INPP4B: variants seen among roughly 807,000 people sequenced by gnomAD.
INPP4B encodes inositol polyphosphate-4-phosphatase type II B, also known as inositol polyphosphate 4-phosphatase type II.
In INPP4B, 55 loss-of-function variants were observed where a neutral mutation model predicts 122.5. The observed-to-expected ratio is 0.45, with a 90% CI of 0.36 to 0.56. The LOEUF (loss-of-function observed/expected upper bound fraction) is 0.56, where lower values mean the gene tolerates loss of function less well. INPP4B is among the 20% of genes least tolerant of loss of function. The pLI is 0.00. For synonymous variants in INPP4B, 403 were observed against 388.7 expected, an observed-to-expected ratio of 1.04 and a Z score of -0.43; for missense variants, 1,000 against 1,097.7, an observed-to-expected ratio of 0.91 and a Z score of 1.26.
chr4:142,647,931 TTGAC>T (rs1307031445), intron 2 of INPP4B, among the ~76,000 whole-genome samples: 1 of 152,260 alleles, frequency 6.6e-6, no homozygotes, highest in African/African-American at 2.4e-5. Context: ...TATCAGTTGA[TTGAC>T]TGTGTACATG....
chr4:142,153,056 T>G (rs772293666), intron 17 of INPP4B, among the ~76,000 whole-genome samples: 3 of 152,196 alleles, frequency 2.0e-5, no homozygotes, highest in Non-Finnish European at 4.4e-5. Context: ...ATGGCTGCAT[T>G]CAACCTAATA....
chr4:142,108,291 A>G (rs1788182958), intron 22 of INPP4B, 101 bp from the exon 23 acceptor site: 2 of 683,196 alleles, frequency 2.9e-6, no homozygotes, highest in Non-Finnish European at 5.1e-6. Flanking sequence ...ATAATTTCCT[A>G]AGGAAAGAGT....
intron 2 of INPP4B, among the ~76,000 whole-genome samples, chr4:142,562,006 T>C (rs1730583684): frequency 6.6e-6 from 1 of 152,112 alleles, no homozygotes; most frequent in East Asian, 1.9e-4. Flanking sequence ...CTTTTTTCTT[T>C]TGATTAAGAT....
chr4:142,188,518 A>AAAAAATATATATATATATAT (rs1834267141), intron 15 of INPP4B, among the ~76,000 whole-genome samples: 1 of 105,096 alleles, frequency 9.5e-6, no homozygotes, highest in Non-Finnish European at 1.9e-5. Context: ...AAAGAAAAAA[A>AAAAAATATATATATATATAT]ATATATATAG....
At chr4:142,208,593 G>T in intron 13 of INPP4B, 64 bp from the exon 14 acceptor site, 1 of 844,100 alleles carries the variant, frequency 1.2e-6, no homozygotes, top group South Asian at 2.1e-5. Context: ...TGTGTTAAAA[G>T]ATAAATTTGA....
chr4:142,089,354 G>A (rs1285209843), intron 23 of INPP4B, among the ~76,000 whole-genome samples: 3 of 151,800 alleles, frequency 2.0e-5, no homozygotes, highest in Non-Finnish European at 2.9e-5. Flanking sequence ...CTGGAGAGCT[G>A]ATACATAACA....
At chr4:142,579,739 A>C (rs1394187604) in intron 2 of INPP4B, among the ~76,000 whole-genome samples, 3 of 151,646 alleles carry the variant, frequency 2.0e-5, no homozygotes, top group African/African-American at 7.3e-5. Context: ...GACTAGAATT[A>C]AACTCTTAGC....
At chr4:142,703,969 G>A (rs898504195) in intron 2 of INPP4B, among the ~76,000 whole-genome samples, 1 of 152,156 alleles carries the variant, frequency 6.6e-6, no homozygotes, top group Non-Finnish European at 1.5e-5. Flanking sequence ...CTAGCCAGGA[G>A]CAAGGACTGA....
intron 23 of INPP4B, among the ~76,000 whole-genome samples, chr4:142,107,882 A>C (rs752034361): frequency 6.6e-6 from 1 of 152,184 alleles, no homozygotes. Context: ...CAGAATGAAC[A>C]GCAGGACACA....
intron 7 of INPP4B, among the ~76,000 whole-genome samples, chr4:142,379,018 T>A (rs1020756881): frequency 9.9e-5 from 15 of 152,142 alleles, no homozygotes; most frequent in Non-Finnish European, 1.8e-4. Context: ...TATTCTTAAA[T>A]CCTATCCAAT....
At chr4:142,297,593 G>A (rs887730952) in intron 9 of INPP4B, among the ~76,000 whole-genome samples, 22 of 152,072 alleles carry the variant, frequency 1.4e-4, no homozygotes, top group Admixed American at 2.6e-4. Flanking sequence ...ACCTTTTGCC[G>A]TAAGTAACAG....
At chr4:142,602,158 G>T (rs2150302070) in intron 2 of INPP4B, among the ~76,000 whole-genome samples, 1 of 152,030 alleles carries the variant, frequency 6.6e-6, no homozygotes, top group African/African-American at 2.4e-5. Context: ...TCAATGTGCA[G>T]AAATCGCTAG....
chr4:142,629,917 T>C (rs1194023917), intron 2 of INPP4B, among the ~76,000 whole-genome samples: 1 of 152,062 alleles, frequency 6.6e-6, no homozygotes, highest in African/African-American at 2.4e-5. Context: ...AGGTTGGATG[T>C]AGGATTTAAG....
At chr4:142,124,234 C>G (rs1797743098) in intron 19 of INPP4B, among the ~76,000 whole-genome samples, 1 of 152,114 alleles carries the variant, frequency 6.6e-6, no homozygotes, top group African/African-American at 2.4e-5. Context: ...TTGCCAAGTC[C>G]TAGCTTGTCA....
intron 1 of INPP4B, among the ~76,000 whole-genome samples, chr4:142,740,118 C>T (rs1239537010): frequency 6.6e-6 from 1 of 151,984 alleles, no homozygotes; most frequent in East Asian, 1.9e-4. Flanking sequence ...CTCTATTCTT[C>T]TAGGATTCAA....
At chr4:142,246,860 T>C (rs532157193) in intron 11 of INPP4B, among the ~76,000 whole-genome samples, 1 of 152,308 alleles carries the variant, frequency 6.6e-6, no homozygotes, top group African/African-American at 2.4e-5. Context: ...AGAGAGGGCA[T>C]CCTTGACTTG....
chr4:142,777,341 A>G (rs184041539), intron 1 of INPP4B, among the ~76,000 whole-genome samples: 193 of 152,316 alleles, frequency 1.3e-3, no homozygotes, highest in African/African-American at 4.4e-3. Flanking sequence ...CTGGCCTTAA[A>G]GAAGCAATCA....
At chr4:142,233,298 T>C (rs2149883620) in intron 12 of INPP4B, among the ~76,000 whole-genome samples, 1 of 152,238 alleles carries the variant, frequency 6.6e-6, no homozygotes, top group Admixed American at 6.5e-5. Flanking sequence ...TATCTGCTAC[T>C]CATTGGTTTA....
chr4:142,231,497 T>C (rs1008073439), intron 12 of INPP4B, among the ~76,000 whole-genome samples: 1 of 152,208 alleles, frequency 6.6e-6, no homozygotes, highest in African/African-American at 2.4e-5. Flanking sequence ...TTAAAAAAAT[T>C]ATGAAACCAC....
Sources: allele counts gnomAD v4.1 joint callset (sites outside exome capture counted in the v4.1 genomes callset), GRCh38; gene constraint gnomAD v4.1.1; transcripts MANE v1.5; gene names NCBI Gene and HGNC (gene_info 2026-07-23, HGNC 2026-07-21).